FCER1A: variants seen among roughly 807,000 people sequenced by gnomAD.
FCER1A encodes the protein Fc epsilon receptor Ia.
FCER1A carries 24 observed loss-of-function variants against 23.6 expected under a neutral mutation model. The observed-to-expected ratio is 1.02, with a 90% CI of 0.74 to 1.43. The LOEUF (loss-of-function observed/expected upper bound fraction) is 1.43. Ranked by LOEUF, FCER1A falls within the 40% of genes most tolerant of loss-of-function variation. The pLI is 0.00. For synonymous variants in FCER1A, 121 were observed against 108.8 expected, an observed-to-expected ratio of 1.11 and a Z score of -0.70; for missense variants, 318 against 294.5, an observed-to-expected ratio of 1.08 and a Z score of -0.58.
chr1:159,296,428 A>G (rs1652294746), intron 1 of FCER1A, among the ~76,000 whole-genome samples: 1 of 152,220 alleles, frequency 6.6e-6, no homozygotes, highest in Non-Finnish European at 1.5e-5. Context: ...TTGGTGACAC[A>G]AATATCATGA....
intron 1 of FCER1A, among the ~76,000 whole-genome samples, chr1:159,291,503 T>C (rs1224501978): frequency 6.6e-6 from 1 of 152,198 alleles, no homozygotes; most frequent in Non-Finnish European, 1.5e-5. Context: ...AATAAATGTA[T>C]GTTACATGTT....
chr1:159,289,371 T>C (rs1383209143), upstream of FCER1A, among the ~76,000 whole-genome samples: 1 of 152,174 alleles, frequency 6.6e-6, no homozygotes, highest in African/African-American at 2.4e-5. Flanking sequence ...ACTCCTGCAA[T>C]TCTAATTGCC....
At chr1:159,299,870 G>T (rs1035758156), upstream of FCER1A, among the ~76,000 whole-genome samples, 10 of 150,924 alleles carry the variant, frequency 6.6e-5, no homozygotes, top group African/African-American at 2.4e-4. Flanking sequence ...GTGTTAATGT[G>T]TTCCTTCTGT....
upstream of FCER1A, chr1:159,302,172 T>G (rs187618748): frequency 1.9e-4 from 115 of 610,336 alleles, 1 homozygote; most frequent in East Asian, 2.9e-3. Flanking sequence ...GTGGAGTAAG[T>G]GGGTAAATAT....
intron 3 of FCER1A, among the ~76,000 whole-genome samples, chr1:159,305,058 C>A (rs545172937): frequency 6.6e-6 from 1 of 152,258 alleles, no homozygotes; most frequent in East Asian, 1.9e-4. Context: ...GTTGAATAAA[C>A]AAATTAATGA....
Position 159,292,811 on chromosome 1 carries a change from G to A in FCER1A, c.-60+3058G>A, listed in dbSNP as rs1652188898. ...TCATACAGATTCTGCCCTCATGAAT[G>A]GATTAACCTAATTATGAATTAATAG... On this transcript the variant is annotated intron_variant, in intron 1 of 5. Transcript: ENST00000368115. Among the ~76,000 whole-genome samples, 3 of 152,046 alleles carry A rather than the reference G, an allele frequency of 2.0e-5. No individual in the cohort carries two copies. In the South Asian group the frequency reaches 6.2e-4, roughly 32 times the overall value.
At chr1:159,302,114 CCT>C (rs1652446728), upstream of FCER1A, among the ~76,000 whole-genome samples, 1 of 152,118 alleles carries the variant, frequency 6.6e-6, no homozygotes, top group Non-Finnish European at 1.5e-5. Flanking sequence ...TAGACCTATG[CCT>C]CTCTCTCACC....
At chr1:159,307,365 AATG>A (rs895635286) in intron 4 of FCER1A, among the ~76,000 whole-genome samples, 2 of 152,228 alleles carry the variant, frequency 1.3e-5, no homozygotes, top group African/African-American at 4.8e-5. Context: ...GCATGTAAGA[AATG>A]ATGATTGATT....
upstream of FCER1A, among the ~76,000 whole-genome samples, chr1:159,285,986 A>G (rs532577492): frequency 2.0e-5 from 3 of 152,222 alleles, no homozygotes; most frequent in South Asian, 2.1e-4. Flanking sequence ...GGAGTGCAAG[A>G]CCAGCCTGGA....
Position 159,303,962 on chromosome 1 carries a change from A to G in FCER1A, c.111A>G (p.Pro37=), listed in dbSNP as rs1652519915. The G allele has an allele frequency of 3.7e-6, 6 of 1,611,150 alleles. No individual in the cohort carries two copies. The highest frequency in any genetic ancestry group is 3.3e-5 in the Admixed American group (2 of 59,998). Reference sequence around the variant, plus strand: ...AACCTAAGGTCTCCTTGAACCCTCCATGGAATAGAATATTTAAAGGAGAGA... The same window carrying G: ...AACCTAAGGTCTCCTTGAACCCTCCGTGGAATAGAATATTTAAAGGAGAGA... ...PQKPKVSLNP[P]WNRIFKGENV... is the part of the protein sequence containing the mutation. Residue 37 remains proline, a synonymous_variant, in exon 3 of 5, where the codon CCA becomes CCG. Transcript: ENST00000693622.
upstream of FCER1A, among the ~76,000 whole-genome samples, chr1:159,298,462 G>C (rs1652351402): frequency 6.6e-6 from 1 of 152,146 alleles, no homozygotes; most frequent in Non-Finnish European, 1.5e-5. Flanking sequence ...TTCTTTAGTA[G>C]TCCTGGGAGT....
In FCER1A at chr1:159,304,146, A is replaced by G. The variant is rs765559874; in HGVS notation, c.295A>G (p.Asn99Asp). 54 of 1,613,756 alleles carry G rather than the reference A, an allele frequency of 3.3e-5. No individual in the cohort carries two copies. Among genetic ancestry groups the G allele is most frequent in the Non-Finnish European group, 4.0e-5 (47 of 1,179,738 alleles). The change falls in exon 3 of 5, where the codon AAT becomes GAT. Residue 99 changes from asparagine to aspartate, a missense_variant. Transcript: ENST00000693622. ...ATACAAATGTCAGCACCAACAAGTT[A>G]ATGAGAGTGAACCTGTGTACCTGGA... ...GEYKCQHQQV[N>D]ESEPVYLEVF...
chr1:159,293,350 C>T (rs1035933963), intron 1 of FCER1A, among the ~76,000 whole-genome samples: 1 of 151,938 alleles, frequency 6.6e-6, no homozygotes, highest in Non-Finnish European at 1.5e-5. Flanking sequence ...CTTCTACTCG[C>T]TATGCTTCAG....
chr1:159,305,937 C>G (rs765139087), intron 3 of FCER1A, 51 bp from the exon 4 acceptor site: 30 of 1,500,320 alleles, frequency 2.0e-5, no homozygotes, highest in Non-Finnish European at 2.7e-5. Flanking sequence ...TCTATTCATT[C>G]TCTCTCTCTT....
At chr1:159,298,625 A>G (rs1031211466), upstream of FCER1A, among the ~76,000 whole-genome samples, 2 of 152,214 alleles carry the variant, frequency 1.3e-5, no homozygotes, top group African/African-American at 4.8e-5. Flanking sequence ...ACTCCTGTTC[A>G]GGGTAGCAAA....
In FCER1A at chr1:159,302,370, T is replaced by A. The variant is rs199830799; in HGVS notation, c.6T>A (p.Ala2=). 24 of 1,609,596 alleles carry A rather than the reference T, an allele frequency of 1.5e-5. 1 individual carries two copies. Among genetic ancestry groups the A allele is most frequent in the Non-Finnish European group, 2.0e-5 (24 of 1,175,984 alleles). Residue 2 remains alanine (A), a synonymous_variant, in exon 1 of 5, where the codon GCT becomes GCA. Coordinates refer to ENST00000693622, the MANE Select transcript of FCER1A (RefSeq NM_001387280.1). ...ACCAGGAGTCCATGAAGAAGATGGC[T>A]CCTGCCATGGAATCCCCTACTCTAC... M[A]PAMESPTLLC...
chr1:159,298,019 AG>A (rs1652339214), upstream of FCER1A, among the ~76,000 whole-genome samples: 2 of 152,212 alleles, frequency 1.3e-5, no homozygotes, highest in South Asian at 2.1e-4. Flanking sequence ...GAAGACATGA[AG>A]GTAAGTTTGA....
chr1:159,292,371 C>T (rs922274474), intron 1 of FCER1A, among the ~76,000 whole-genome samples: 1 of 152,108 alleles, frequency 6.6e-6, no homozygotes, highest in South Asian at 2.1e-4. Flanking sequence ...AAATATAGTA[C>T]TTCCCCAGTC....
intron 2 of FCER1A, among the ~76,000 whole-genome samples, chr1:159,303,193 G>A (rs1050738397): frequency 1.3e-5 from 2 of 152,016 alleles, no homozygotes; most frequent in African/African-American, 4.8e-5. Flanking sequence ...TTATAATTGA[G>A]GATGCTGAAA....
Sources: allele counts gnomAD v4.1 joint callset (sites outside exome capture counted in the v4.1 genomes callset), GRCh38; gene constraint gnomAD v4.1.1; transcripts MANE v1.5; gene names NCBI Gene and HGNC (gene_info 2026-07-23, HGNC 2026-07-21).